Variants in TTN observed in about 807,000 individuals in gnomAD.
TTN encodes the protein connectin.
A neutral mutation model predicts 3,223.0 loss-of-function variants in TTN; 1,525 were observed. The observed-to-expected ratio is 0.47, with a 90% CI of 0.45 to 0.49. The LOEUF (loss-of-function observed/expected upper bound fraction) is 0.49. Among genes scored for constraint, TTN ranks in the 20% least tolerant of loss-of-function variants. TTN has a pLI of 0.00. For missense variants in TTN, 40,786 were observed against 43,424.0 expected, an observed-to-expected ratio of 0.94 and a Z score of 5.40; for synonymous variants, 14,094 against 15,161.0, an observed-to-expected ratio of 0.93 and a Z score of 5.17.
rs1416504917 is a variant in TTN, at chr2:178,688,752, C to T, written c.32122G>A (p.Glu10708Lys). ...RAEVSKKTVV[E>K]EKRFVAEEKL... ...TCTTCAGCAACAAATCTCTTTTCTT[C>T]TACAACAGTTTTCTTAGAGACTTCA... Residue 10708 changes from glutamate to lysine, a missense_variant, in exon 126 of 363, where the codon GAA (glutamate) becomes AAA (lysine). Coordinates refer to ENST00000589042, the MANE Select transcript of TTN (RefSeq NM_001267550.2). 1 of 1,613,066 alleles carries T rather than the reference C, an allele frequency of 6.2e-7. No individual in the cohort carries two copies. The highest frequency in any genetic ancestry group is 2.2e-5 in the East Asian group (1 of 44,884).
At position 178,776,993 on chromosome 2, in the gene TTN, T is replaced by A. The variant is rs1290278898; in HGVS notation, c.4871A>T (p.Asp1624Val). The A allele has an allele frequency of 1.2e-6, 2 of 1,614,042 alleles. No individual in the cohort carries two copies. The highest frequency in any genetic ancestry group is 1.7e-6 in the Non-Finnish European group (2 of 1,179,988). The change falls in exon 28 of 363, where the codon GAT becomes GTT. Residue 1624 changes from aspartate to valine, a missense_variant. By Grantham distance (152) the Asp-to-Val change is radical. Transcript: ENST00000589042. ...AGCAGTCGCAGTATACCAGGCAGAATCTTGGCTGACAGTGGAATCGATTTT... is the reference window on the plus strand; with the variant it reads ...AGCAGTCGCAGTATACCAGGCAGAAACTTGGCTGACAGTGGAATCGATTTT... ...ALKIDSTVSQ[D>V]SAWYTATAIN...
intron 75 of TTN, 52 bp downstream of exon 75, chr2:178,722,994 T>A (rs1408490099): frequency 1.3e-6 from 2 of 1,599,910 alleles, no homozygotes; most frequent in African/African-American, 2.7e-5. Context: ...AAAGAAACTA[T>A]GCTACATGTT....
Position 178,588,559 on chromosome 2 carries a change from C to A in TTN, c.63166G>T (p.Val21056Leu). 6.5e-7 allele frequency: 1 copy of A among 1,531,484 alleles called. No homozygotes were observed. Among genetic ancestry groups the A allele is most frequent in the Non-Finnish European group, 8.7e-7 (1 of 1,143,102 alleles). The allele number at this position is 1,531,484 out of a possible 1,614,324, so 94.9% of individuals were successfully genotyped here. Residue 21056 changes from valine (V) to leucine (L), a missense_variant, in exon 304 of 363, where the codon GTG becomes TTG. Val to Leu is a conservative substitution (Grantham distance 32). Coordinates refer to ENST00000589042, the MANE Select transcript of TTN (RefSeq NM_001267550.2). ...IGEPSLPSRP[V>L]VAKDPIEPPG... ...CTACCTATGGGGTCTTTTGCCACCA[C>A]CGGTCTTGAAGGCAAGCTTGGTTCT...
intron 49 of TTN, 85 bp downstream of exon 49, chr2:178,737,997 A>G: frequency 6.5e-7 from 1 of 1,532,318 alleles, no homozygotes; most frequent in Non-Finnish European, 8.8e-7. Flanking sequence ...TGGTAATACA[A>G]GCATTTCCCA....
chr2:178,586,924 A>G, intron 307 of TTN, 117 bp from the exon 308 acceptor site: 1 of 1,419,364 alleles, frequency 7.0e-7, no homozygotes, highest in South Asian at 1.3e-5. Context: ...CCTGTAGTTC[A>G]GTACATTAAA....
At position 178,539,018 on chromosome 2, in the gene TTN, T is replaced by C. The variant is rs773080115; in HGVS notation, c.98917A>G (p.Ile32973Val). ...CTCAGGCCAACATCATTCTGTGCGA[T>C]GATGCGGAACTGATACTCAGCATCG... ...VPDAEYQFRIIAQNDVGLSET... is the reference protein window; with the variant it reads ...VPDAEYQFRIVAQNDVGLSET... Residue 32973 changes from isoleucine (I) to valine (V), a missense_variant, in exon 353 of 363, where the codon ATC becomes GTC. Coordinates refer to ENST00000589042, the MANE Select transcript of TTN (RefSeq NM_001267550.2). 5 of 1,613,672 alleles carry C rather than the reference T, an allele frequency of 3.1e-6. No individual in the cohort carries two copies. In the African/African-American group the frequency reaches 5.3e-5, roughly 17 times the overall value.
At chr2:178,712,639 C>T (rs965039537) in intron 94 of TTN, 46 bp from the exon 95 acceptor site, 4 of 1,605,460 alleles carry the variant, frequency 2.5e-6, no homozygotes, top group Non-Finnish European at 3.4e-6. Flanking sequence ...CATATACATA[C>T]AGACAAAGAC....
At chr2:178,629,659 G>T (rs562844604) in intron 239 of TTN, among the ~76,000 whole-genome samples, 4 of 152,218 alleles carry the variant, frequency 2.6e-5, no homozygotes, top group Non-Finnish European at 5.9e-5. Flanking sequence ...TCGTTCTGAC[G>T]TACAAGGTCA....
rs1251970273 is a variant in TTN at position 178,631,235 on chromosome 2, G to T, written c.43813C>A (p.Leu14605Ile). 3 of 1,612,638 alleles carry T rather than the reference G, an allele frequency of 1.9e-6. No homozygotes were observed. Among genetic ancestry groups the T allele is most frequent in the Non-Finnish European group, 2.5e-6 (3 of 1,179,404 alleles). ...TCTGCTTTGCTAATTTCACACTGTA[G>T]AATAACTTCATCTTTCTCTACACCA... is the stretch of plus-strand genomic sequence containing the variant. Reference protein sequence around the residue: ...YTGVEKDEVILQCEISKADAP... With the variant: ...YTGVEKDEVIIQCEISKADAP... Residue 14605 changes from leucine to isoleucine, a missense_variant, in exon 237 of 363, where the codon CTA (leucine) becomes ATA (isoleucine). Transcript: ENST00000589042.
In TTN at chr2:178,775,521, C is replaced by A. The variant is rs1183661272; in HGVS notation, c.6343G>T (p.Gly2115Cys). Residue 2115 changes from glycine to cysteine, a missense_variant, in exon 28 of 363, where the codon GGT becomes TGT. Physicochemically the swap from Gly to Cys is radical, Grantham distance 159. Transcript: ENST00000589042. ...PDPECEWYKN[G>C]VKIERSDRIY... Reference sequence around the variant, plus strand: ...CGGTCAGACCGTTCAATTTTGACACCATTTTTGTACCATTCACATTCGGGG... The same window carrying A: ...CGGTCAGACCGTTCAATTTTGACACAATTTTTGTACCATTCACATTCGGGG... The A allele has an allele frequency of 1.2e-6, 2 of 1,613,864 alleles. No homozygotes were observed. Among genetic ancestry groups the A allele is most frequent in the African/African-American group, 1.3e-5 (1 of 74,908 alleles).
chr2:178,548,029 T>C lies in TTN; in HGVS notation c.93597A>G (p.Glu31199=), dbSNP rs1389044025. 2 of 1,613,698 alleles carry C rather than the reference T, an allele frequency of 1.2e-6. No homozygotes were observed. The highest frequency in any genetic ancestry group is 4.5e-5 in the East Asian group (2 of 44,872). The change falls in exon 339 of 363, where the codon GAA becomes GAG. Residue 31199 remains glutamate (E), a synonymous_variant. Transcript: ENST00000589042. This position sits in a 1 kb window ranked among gnomAD's most constrained non-coding sequence, Gnocchi z 4.3. ...KNDAGYSEPR[E]AFSSVIIKEP... is the part of the protein sequence containing the mutation. Reference sequence around the variant, plus strand: ...CCTTAATGATGACAGAAGAGAAGGCTTCTCTGGGTTCACTATAGCCAGCAT... The same window carrying C: ...CCTTAATGATGACAGAAGAGAAGGCCTCTCTGGGTTCACTATAGCCAGCAT...
chr2:178,783,878 ATATAAAAATAAT>A (rs977314349), intron 16 of TTN, 93 bp from the exon 17 acceptor site: 8 of 1,012,046 alleles, frequency 7.9e-6, no homozygotes, highest in African/African-American at 5.1e-5. Flanking sequence ...AATTATAAAA[ATATAAAAATAAT>A]TATAAAAATA....
chr2:178,726,808 A>AT lies in TTN; in HGVS notation c.20275+281dup, dbSNP rs144493857. The AT allele has an allele frequency of 7.6e-3, 2,202 of 288,230 alleles. 45 individuals carry two copies. Among genetic ancestry groups the AT allele is most frequent in the African/African-American group, 0.045 (2,077 of 46,178 alleles). 17.9% of individuals were successfully genotyped at this position (288,230 alleles called of 1,614,324 possible). On this transcript the variant is annotated intron_variant, in intron 69 of 362. Transcript: ENST00000589042. ...AGACTAATTTTAAAATGCCTACTTC[A>AT]TTTTTTTGTGCAGTTTTGAAACATC...
rs368443217 is a variant in TTN, at chr2:178,564,461, T to C, written c.81671A>G (p.Asn27224Ser). ...DGRWMKASFT[N>S]VLETEFTVSG... The stretch of plus-strand genomic sequence containing the variant: ...CACTGTAAATTCAGTTTCTAATACG[T>C]TGGTAAAGCTGGCTTTCATCCAGCG... Residue 27224 changes from asparagine to serine, a missense_variant, in exon 326 of 363, where the codon AAC (asparagine) becomes AGC (serine). Physicochemically the swap from Asn to Ser is conservative, Grantham distance 46. Coordinates refer to ENST00000589042, the MANE Select transcript of TTN (RefSeq NM_001267550.2). 286 of 1,612,248 alleles carry C rather than the reference T, an allele frequency of 1.8e-4. No homozygotes were observed. The highest frequency in any genetic ancestry group is 2.2e-4 in the Non-Finnish European group (261 of 1,179,008).
At position 178,574,999 on chromosome 2, in the gene TTN, A is replaced by C. The variant is rs1311167365; in HGVS notation, c.71133T>G (p.Ile23711Met). ...SGPYPLTARNIVGEVGDVITI... is the reference protein window; with the variant it reads ...SGPYPLTARNMVGEVGDVITI... Reference sequence around the variant, plus strand: ...TGATGACATCACCAACCTCTCCTACAATGTTCCTTGCTGTTAATGGATAGG... The same window carrying C: ...TGATGACATCACCAACCTCTCCTACCATGTTCCTTGCTGTTAATGGATAGG... The change falls in exon 326 of 363, where the codon ATT (isoleucine) becomes ATG (methionine). Residue 23711 changes from isoleucine to methionine, a missense_variant. By Grantham distance (10) the Ile-to-Met change is conservative (BLOSUM62 1). Transcript: ENST00000589042. 3.1e-6 allele frequency: 5 copies of C among 1,613,316 alleles called. No homozygotes were observed. Among genetic ancestry groups the C allele is most frequent in the Non-Finnish European group, 4.2e-6 (5 of 1,179,602 alleles).
intron 22 of TTN, 179 bp downstream of exon 22, chr2:178,779,821 T>C (rs983781004): frequency 2.5e-4 from 160 of 632,664 alleles, no homozygotes; most frequent in Admixed American, 1.2e-4. Flanking sequence ...ATGTAATCTC[T>C]ATTTCTAAAC....
chr2:178,763,625 C>A (rs4894041), intron 43 of TTN, among the ~76,000 whole-genome samples: 8,151 of 152,184 alleles, frequency 0.054, 363 homozygotes, highest in South Asian at 0.16. Flanking sequence ...TCAATGTATT[C>A]ATGACAGAAG....
chr2:178,687,196 ATCT>A (rs2071157029), intron 127 of TTN, among the ~76,000 whole-genome samples: 1 of 152,246 alleles, frequency 6.6e-6, no homozygotes, highest in African/African-American at 2.4e-5. Flanking sequence ...AATTCTACTC[ATCT>A]TCTCACTGGG....
chr2:178,526,992 G>A lies in TTN; in HGVS notation c.*20C>T, dbSNP rs768402118. 11 of 1,593,780 alleles carry A rather than the reference G, an allele frequency of 6.9e-6. No homozygotes were observed. The highest frequency in any genetic ancestry group is 9.4e-6 in the Non-Finnish European group (11 of 1,167,142). Reference sequence around the variant, plus strand: ...GCGAAAAGTTAAGAATGAGTGTAGAGTATAAGGGCACAGGCCCTCTTAAAT... The same window carrying A: ...GCGAAAAGTTAAGAATGAGTGTAGAATATAAGGGCACAGGCCCTCTTAAAT... On this transcript the variant is annotated 3_prime_UTR_variant, in exon 363 of 363. Transcript: ENST00000589042.
Sources: allele counts gnomAD v4.1 joint callset (sites outside exome capture counted in the v4.1 genomes callset), GRCh38; gene constraint gnomAD v4.1.1; non-coding constraint Gnocchi (gnomAD v3.1); transcripts MANE v1.5; gene names NCBI Gene and HGNC (gene_info 2026-07-23, HGNC 2026-07-21).